Variants in NOXRED1 observed in about 807,000 individuals in gnomAD.
NOXRED1 encodes the protein NADP dependent oxidoreductase domain containing 1.
NOXRED1 carries 20 observed loss-of-function variants against 30.4 expected under a neutral mutation model. The observed-to-expected ratio is 0.66, with a 90% CI of 0.46 to 0.96. The LOEUF (loss-of-function observed/expected upper bound fraction) is 0.96. NOXRED1 is among the 40% of genes least tolerant of loss of function. The probability of loss-of-function intolerance (pLI) is 0.00; values close to 1 mark genes in which losing one functional copy is unlikely to be tolerated. For synonymous variants in NOXRED1, 155 were observed against 168.0 expected, an observed-to-expected ratio of 0.92 and a Z score of 0.60; for missense variants, 374 against 428.0, an observed-to-expected ratio of 0.87 and a Z score of 1.11.
chr14:77,418,768 A>G (rs1894904147), intron 1 of NOXRED1, among the ~76,000 whole-genome samples: 2 of 151,910 alleles, frequency 1.3e-5, no homozygotes, highest in African/African-American at 4.8e-5. Flanking sequence ...AGCCCAAGCA[A>G]TTCTCCTGCC....
intron 2 of NOXRED1, among the ~76,000 whole-genome samples, chr14:77,408,606 G>A (rs1894548282): frequency 6.6e-6 from 1 of 152,120 alleles, no homozygotes. Flanking sequence ...TTTCTAAGGT[G>A]TAACCCCCAC....
chr14:77,394,664 C>G lies in NOXRED1; in HGVS notation c.1047G>C (p.Gln349His). The G allele has an allele frequency of 6.2e-7, 1 of 1,612,914 alleles. No individual in the cohort carries two copies. The highest frequency in any genetic ancestry group is 8.5e-7 in the Non-Finnish European group (1 of 1,179,392). The change falls in exon 6 of 6, where the codon CAG (glutamine) becomes CAC (histidine). Residue 349 changes from glutamine (Q) to histidine (H), a missense_variant. By Grantham distance (24) the Gln-to-His change is conservative (BLOSUM62 0). Transcript: ENST00000380835. ...ATGGAAAGCCTGTGGAAATGACTGG[C>G]TGTTCTTTGGTTAGGGAGATGCCAA... ...ASFGISLTKE[Q>H]PVISTGFPSQ
chr14:77,410,288 A>G (rs1399384252), intron 2 of NOXRED1, among the ~76,000 whole-genome samples: 1 of 152,122 alleles, frequency 6.6e-6, no homozygotes, highest in Admixed American at 6.6e-5. Flanking sequence ...CAAAAGAAAA[A>G]AAGAAAAAAA....
intron 5 of NOXRED1, among the ~76,000 whole-genome samples, chr14:77,400,573 C>T (rs952694983): frequency 1.3e-5 from 2 of 152,046 alleles, no homozygotes; most frequent in African/African-American, 2.4e-5. Context: ...TCAAGTGGGG[C>T]GGGGGTTTCC....
intron 1 of NOXRED1, among the ~76,000 whole-genome samples, chr14:77,421,523 A>G (rs76044726): frequency 0.029 from 4,489 of 152,334 alleles, 213 homozygotes; most frequent in African/African-American, 0.1. Context: ...TAAGAAGGTT[A>G]TGACTTATAC....
intron 1 of NOXRED1, among the ~76,000 whole-genome samples, chr14:77,419,184 T>C (rs1894917206): frequency 6.6e-6 from 1 of 151,676 alleles, no homozygotes; most frequent in Non-Finnish European, 1.5e-5. Context: ...GCAATTCTCC[T>C]GCCTCAGCCT....
upstream of NOXRED1, among the ~76,000 whole-genome samples, chr14:77,424,177 G>A (rs1038659628): frequency 5.3e-5 from 8 of 152,192 alleles, no homozygotes; most frequent in East Asian, 7.7e-4. Context: ...TCACCCTGGC[G>A]TGGTGGCTCA....
rs760915687 is a variant in NOXRED1, at chr14:77,406,616, CACACACACACACACACACAG to C, written c.682+88_682+107del. 472 of 955,246 alleles carry C rather than the reference CACACACACACACACACACAG, an allele frequency of 4.9e-4. 1 individual carries two copies. Among genetic ancestry groups the C allele is most frequent in the Middle Eastern group, 1.3e-3 (5 of 3,922 alleles). 59.2% of individuals were successfully genotyped at this position (955,246 alleles called of 1,614,324 possible). A position where few individuals can be genotyped will look rare whatever the true frequency, so the allele number is the denominator to read the frequency against. Reference sequence around the variant, plus strand: ...ACACACACACACACACACACACACACACACACACACACACACACAGAGAGAGAGAGATTGATTTAATAAGA... The same window carrying C: ...ACACACACACACACACACACACACACAGAGAGAGAGATTGATTTAATAAGA... On this transcript the variant is annotated intron_variant, in intron 4 of 5. Transcript: ENST00000380835.
chr14:77,417,564 T>A lies in NOXRED1; in HGVS notation c.156-3437A>T, dbSNP rs1413557709. 2.0e-5 allele frequency among the ~76,000 whole-genome samples: 3 copies of A among 152,266 alleles called. No homozygotes were observed. In the East Asian group the frequency reaches 5.8e-4, roughly 29 times the overall value. Reference sequence around the variant, plus strand: ...GACAGTTTTTGACTTAAAACCTATTTTGTCTGATACAAGTATGACTACTCC... The same window carrying A: ...GACAGTTTTTGACTTAAAACCTATTATGTCTGATACAAGTATGACTACTCC... On this transcript the variant is annotated intron_variant, in intron 1 of 5. Coordinates refer to ENST00000380835, the MANE Select transcript of NOXRED1 (RefSeq NM_001113475.3).
At chr14:77,413,536 C>T (rs1894718392) in intron 2 of NOXRED1, among the ~76,000 whole-genome samples, 2 of 152,080 alleles carry the variant, frequency 1.3e-5, no homozygotes, top group Non-Finnish European at 2.9e-5. Flanking sequence ...CGCGCCCGAC[C>T]ACAAAACATT....
Position 77,394,589 on chromosome 14 carries a change from G to GA in NOXRED1, c.*41dup. ...ATAATCAGGGCACAACTATTATAGG[G>GA]AAAATCTGTGAGTGGGAAAAAATCC... On this transcript the variant is annotated 3_prime_UTR_variant, in exon 6 of 6. Transcript: ENST00000380835. 4 of 1,510,594 alleles carry GA rather than the reference G, an allele frequency of 2.6e-6. No homozygotes were observed. Among genetic ancestry groups the GA allele is most frequent in the Non-Finnish European group, 2.7e-6 (3 of 1,091,374 alleles). 93.6% of individuals were successfully genotyped at this position (1,510,594 alleles called of 1,614,324 possible).
intron 2 of NOXRED1, 21 bp downstream of exon 2, chr14:77,413,913 C>T (rs1387450874): frequency 1.3e-6 from 2 of 1,541,108 alleles, no homozygotes; most frequent in South Asian, 2.5e-5. Context: ...AGCCCCCTTT[C>T]TACCACACAC....
At chr14:77,401,626 A>C (rs1894329592) in intron 5 of NOXRED1, among the ~76,000 whole-genome samples, 1 of 152,190 alleles carries the variant, frequency 6.6e-6, no homozygotes, top group Non-Finnish European at 1.5e-5. Flanking sequence ...GGATTGCTTG[A>C]GCCCAGAAGG....
Position 77,422,910 on chromosome 14 carries a change from C to A in NOXRED1, c.-21G>T. On this transcript the variant is annotated 5_prime_UTR_variant, in exon 1 of 6. Transcript: ENST00000380835. ...TCCATTTCCAAGCCACTATTTCCTG[C>A]AGTGATAGACACTAATCAATTTGGC... 1.2e-6 allele frequency: 2 copies of A among 1,603,528 alleles called. No homozygotes were observed. The highest frequency in any genetic ancestry group is 1.7e-6 in the Non-Finnish European group (2 of 1,174,944).
chr14:77,420,596 T>C (rs1000511131), intron 1 of NOXRED1, among the ~76,000 whole-genome samples: 1 of 152,132 alleles, frequency 6.6e-6, no homozygotes, highest in Non-Finnish European at 1.5e-5. Context: ...TTGTAGCTCA[T>C]TGAGCCTCTT....
intron 5 of NOXRED1, among the ~76,000 whole-genome samples, chr14:77,404,882 C>A (rs1471669253): frequency 1.3e-5 from 2 of 151,998 alleles, no homozygotes; most frequent in Non-Finnish European, 2.9e-5. Context: ...ATAATCTTTG[C>A]ATATTAGATT....
At chr14:77,396,072 A>G (rs1047134172) in intron 5 of NOXRED1, among the ~76,000 whole-genome samples, 1 of 151,982 alleles carries the variant, frequency 6.6e-6, no homozygotes, top group Non-Finnish European at 1.5e-5. Context: ...ATCAAGAGTA[A>G]GGCTAAGGCA....
At chr14:77,403,749 C>T (rs557586324) in intron 5 of NOXRED1, among the ~76,000 whole-genome samples, 1 of 152,224 alleles carries the variant, frequency 6.6e-6, no homozygotes, top group African/African-American at 2.4e-5. Context: ...CATCATGGCA[C>T]ATCATAAAAT....
chr14:77,418,128 G>GT (rs950010348), intron 1 of NOXRED1, among the ~76,000 whole-genome samples: 6 of 150,968 alleles, frequency 4.0e-5, no homozygotes, highest in East Asian at 1.9e-4. Flanking sequence ...ATAGTAATAG[G>GT]TTTTTTTTTA....
Sources: allele counts gnomAD v4.1 joint callset (sites outside exome capture counted in the v4.1 genomes callset), GRCh38; gene constraint gnomAD v4.1.1; transcripts MANE v1.5; gene names NCBI Gene and HGNC (gene_info 2026-07-23, HGNC 2026-07-21).